ADAMTS19: variants seen among roughly 807,000 people sequenced by gnomAD.
ADAMTS19 encodes the protein ADAM metallopeptidase with thrombospondin type 1 motif 19.
In ADAMTS19, 93 loss-of-function variants were observed where a neutral mutation model predicts 153.3. That is an observed-to-expected ratio of 0.61 (90% CI 0.51 to 0.72). The LOEUF (loss-of-function observed/expected upper bound fraction) is 0.72. ADAMTS19 is among the 30% of genes least tolerant of loss of function. The probability of loss-of-function intolerance (pLI) is 0.00; values close to 1 mark genes in which losing one functional copy is unlikely to be tolerated. For synonymous variants in ADAMTS19, 600 were observed against 556.6 expected (o/e 1.08, Z -1.10); for missense variants, 1,482 against 1,552.1 (o/e 0.95, Z 0.76).
At position 129,704,378 on chromosome 5, in the gene ADAMTS19, G is replaced by C; in HGVS notation, c.3299G>C (p.Gly1100Ala). Reference sequence around the variant, plus strand: ...TCAAAATGCTATGTGTGGCGAATGGGTGACTGGTCTAAGGTGAGAACCATT... The same window carrying C: ...TCAAAATGCTATGTGTGGCGAATGGCTGACTGGTCTAAGGTGAGAACCATT... ...DYSKCYVWRM[G>A]DWSKCSITCG... The change falls in exon 21 of 23, where the codon GGT becomes GCT. Residue 1100 changes from glycine to alanine, a missense_variant. By Grantham distance (60) the Gly-to-Ala change is moderately conservative. Coordinates refer to ENST00000274487, the MANE Select transcript of ADAMTS19 (RefSeq NM_133638.6). The C allele has an allele frequency of 6.2e-7, 1 of 1,613,896 alleles. No homozygotes were observed. Among genetic ancestry groups the C allele is most frequent in the Non-Finnish European group, 8.5e-7 (1 of 1,179,854 alleles).
intron 2 of ADAMTS19, among the ~76,000 whole-genome samples, chr5:129,503,464 G>A (rs1412976258): frequency 6.6e-6 from 1 of 152,166 alleles, no homozygotes; most frequent in African/African-American, 2.4e-5. Flanking sequence ...CAAGCCATAT[G>A]TCATGCCTAC....
chr5:129,560,976 C>A (rs758044922), intron 7 of ADAMTS19, among the ~76,000 whole-genome samples: 1 of 151,948 alleles, frequency 6.6e-6, no homozygotes, highest in Non-Finnish European at 1.5e-5. Flanking sequence ...TATTTAAGAT[C>A]CCAAATAGAT....
At chr5:129,527,327 A>AT (rs1752046097) in intron 4 of ADAMTS19, among the ~76,000 whole-genome samples, 1 of 150,920 alleles carries the variant, frequency 6.6e-6, no homozygotes, top group African/African-American at 2.4e-5. Flanking sequence ...ATATAGTCCC[A>AT]TTTTTTACTA....
chr5:129,588,926 G>A (rs973836547), intron 7 of ADAMTS19, among the ~76,000 whole-genome samples: 1 of 151,204 alleles, frequency 6.6e-6, no homozygotes, highest in African/African-American at 2.4e-5. Flanking sequence ...CTCTCCAGTT[G>A]TTTTCTTTTT....
intron 8 of ADAMTS19, among the ~76,000 whole-genome samples, chr5:129,604,165 T>C (rs1750787780): frequency 6.6e-6 from 1 of 151,122 alleles, no homozygotes; most frequent in Non-Finnish European, 1.5e-5. Context: ...GCTTAATACT[T>C]AGGTGATGGA....
chr5:129,674,005 C>T (rs184477331), intron 16 of ADAMTS19, among the ~76,000 whole-genome samples: 23 of 152,088 alleles, frequency 1.5e-4, no homozygotes, highest in Admixed American at 2.0e-4. Flanking sequence ...CTGAGGTGGG[C>T]GGATCACCTG....
At chr5:129,463,065 GA>G (rs1749740240) in intron 2 of ADAMTS19, among the ~76,000 whole-genome samples, 1 of 152,172 alleles carries the variant, frequency 6.6e-6, no homozygotes, top group Non-Finnish European at 1.5e-5. Flanking sequence ...AATTGGCATG[GA>G]AAAATTACAT....
At chr5:129,603,301 T>C (rs947748727) in intron 8 of ADAMTS19, among the ~76,000 whole-genome samples, 2 of 152,160 alleles carry the variant, frequency 1.3e-5, no homozygotes, top group Non-Finnish European at 2.9e-5. Context: ...GCCTGAAAGG[T>C]GGTCTATACT....
chr5:129,667,658 G>A (rs933903201), intron 16 of ADAMTS19, among the ~76,000 whole-genome samples: 4 of 151,706 alleles, frequency 2.6e-5, no homozygotes, highest in Admixed American at 2.6e-4. Flanking sequence ...CTGCACTTTC[G>A]GCCATGATTG....
At chr5:129,716,858 A>C (rs1460771541) in intron 21 of ADAMTS19, among the ~76,000 whole-genome samples, 5 of 152,186 alleles carry the variant, frequency 3.3e-5, no homozygotes. Context: ...GATTGCGTCA[A>C]CTACCAGATA....
Position 129,672,170 on chromosome 5 carries a change from C to T in ADAMTS19, c.2506+6591C>T, listed in dbSNP as rs1326911352. ...TCACATGGCAAAGAGAGAGAGGAAACAAGCTCTCTTGGGACTCTTATAAGA... is the reference window on the plus strand; with the variant it reads ...TCACATGGCAAAGAGAGAGAGGAAATAAGCTCTCTTGGGACTCTTATAAGA... On this transcript the variant is annotated intron_variant, in intron 16 of 22. Transcript: ENST00000274487. Among the ~76,000 whole-genome samples the T allele has an allele frequency of 2.0e-5, 3 of 152,106 alleles. No individual in the cohort carries two copies. The East Asian group carries it at 5.8e-4, about 29-fold the overall frequency.
At chr5:129,705,355 T>C (rs917831398) in intron 21 of ADAMTS19, among the ~76,000 whole-genome samples, 6 of 152,146 alleles carry the variant, frequency 3.9e-5, no homozygotes, top group African/African-American at 4.8e-5. Context: ...ATTTTCAATA[T>C]AGAAAATACT....
chr5:129,664,634 T>C (rs1363595218), intron 15 of ADAMTS19, among the ~76,000 whole-genome samples: 1 of 152,086 alleles, frequency 6.6e-6, no homozygotes, highest in Non-Finnish European at 1.5e-5. Context: ...AACTCTGGAA[T>C]TAGCTCTTGT....
At chr5:129,647,562 A>G (rs1322477602) in intron 11 of ADAMTS19, among the ~76,000 whole-genome samples, 1 of 152,184 alleles carries the variant, frequency 6.6e-6, no homozygotes, top group African/African-American at 2.4e-5. Flanking sequence ...CTGCTTTCCC[A>G]ACAAGACTGT....
chr5:129,601,962 T>G, intron 8 of ADAMTS19, among the ~76,000 whole-genome samples: 1 of 152,194 alleles, frequency 6.6e-6, no homozygotes, highest in East Asian at 1.9e-4. Flanking sequence ...TTGTCAAAGA[T>G]ACTTTGGAGG....
intron 10 of ADAMTS19, among the ~76,000 whole-genome samples, chr5:129,633,755 C>A (rs556585206): frequency 6.6e-6 from 1 of 152,280 alleles, no homozygotes; most frequent in East Asian, 1.9e-4. Context: ...CTATTGTAGG[C>A]AGCAGCTCAT....
In ADAMTS19 at chr5:129,679,870, C is replaced by G; in HGVS notation, c.2613C>G (p.Leu871=). The G allele has an allele frequency of 6.2e-7, 1 of 1,614,058 alleles. No individual in the cohort carries two copies. Among genetic ancestry groups the G allele is most frequent in the East Asian group, 2.2e-5 (1 of 44,856 alleles). ...CCGTTCATTATGTAAGACGAGGCCTCTGGGAGAAGATCTCTGCCAAAGGTC... is the reference window on the plus strand; with the variant it reads ...CCGTTCATTATGTAAGACGAGGCCTGTGGGAGAAGATCTCTGCCAAAGGTC... The part of the protein sequence containing the change: ...GTTVHYVRRG[L]WEKISAKGPT... The change falls in exon 17 of 23, where the codon CTC becomes CTG. Residue 871 remains leucine (L), a synonymous_variant. Transcript: ENST00000274487.
At chr5:129,688,157 G>A (rs998812602) in intron 18 of ADAMTS19, 6 of 152,134 alleles carry the variant, frequency 3.9e-5, no homozygotes, top group African/African-American at 1.2e-4. Context: ...TCATATCATC[G>A]ATTTTATAGC....
At chr5:129,514,486 T>A (rs1008453464) in intron 3 of ADAMTS19, among the ~76,000 whole-genome samples, 2 of 152,168 alleles carry the variant, frequency 1.3e-5, no homozygotes, top group Non-Finnish European at 2.9e-5. Flanking sequence ...CCATTTTAAC[T>A]GGGGTGAGAT....
Sources: gnomAD v4.1 joint callset for allele counts (sites outside exome capture counted in the v4.1 genomes callset) on GRCh38, gnomAD v4.1.1 for gene constraint, MANE v1.5 for transcripts, NCBI Gene and HGNC (gene_info 2026-07-23, HGNC 2026-07-21) for gene names.